Variants in MC2R observed in about 807,000 individuals in gnomAD.
MC2R encodes the protein melanocortin 2 receptor.
Under a neutral mutation model 9.8 loss-of-function variants are expected in MC2R, and 9 were observed. That is an observed-to-expected ratio of 0.92 (90% CI 0.55 to 1.60). The LOEUF is 1.60. Ranked by LOEUF, MC2R falls within the 40% of genes most tolerant of loss-of-function variation. MC2R has a pLI of 0.00. For missense variants in MC2R, 370 were observed against 389.0 expected, an observed-to-expected ratio of 0.95 and a Z score of 0.41; for synonymous variants, 185 against 154.7, an observed-to-expected ratio of 1.20 and a Z score of -1.45.
chr18:13,888,322 T>C (rs2045290040), intron 1 of MC2R, among the ~76,000 whole-genome samples: 1 of 152,186 alleles, frequency 6.6e-6, no homozygotes, highest in Non-Finnish European at 1.5e-5. Context: ...CGTTTGTGGA[T>C]GCTGCCAAGC....
chr18:13,913,134 A>G (rs935637462), intron 1 of MC2R, among the ~76,000 whole-genome samples: 4 of 152,094 alleles, frequency 2.6e-5, no homozygotes, highest in African/African-American at 9.7e-5. Flanking sequence ...AGTCCCGAGA[A>G]TGGAAGCTTT....
intron 1 of MC2R, among the ~76,000 whole-genome samples, chr18:13,887,102 C>A (rs1347263578): frequency 2.6e-5 from 4 of 152,222 alleles, no homozygotes; most frequent in African/African-American, 7.2e-5. Context: ...GATGAGTCAC[C>A]TTCGTGCCTC....
intron 1 of MC2R, among the ~76,000 whole-genome samples, chr18:13,890,883 AGAT>A (rs34945434): frequency 0.37 from 56,116 of 151,834 alleles, 10,361 homozygotes; most frequent in Middle Eastern, 0.41. Context: ...GCAATTGCTG[AGAT>A]GATGGGATTA....
At position 13,884,271 on chromosome 18, in the gene MC2R, G is replaced by A. The variant is rs1349459966; in HGVS notation, c.*354C>T. On this transcript the variant is annotated 3_prime_UTR_variant, in exon 2 of 2. Transcript: ENST00000327606. ...AAGCAAGTCTTTGCCTTAGCCCAAA[G>A]CCCTTGAATTTTTATTGCTGTTTTA... 5.8e-6 allele frequency: 2 copies of A among 346,870 alleles called. No homozygotes were observed. The highest frequency in any genetic ancestry group is 1.1e-5 in the Non-Finnish European group (2 of 180,060). The allele number at this position is 346,870 out of a possible 1,614,324, so 21.5% of individuals were successfully genotyped here.
intron 1 of MC2R, among the ~76,000 whole-genome samples, chr18:13,903,339 T>C (rs2045391767): frequency 6.6e-6 from 1 of 152,210 alleles, no homozygotes; most frequent in Non-Finnish European, 1.5e-5. Context: ...ATCCTACTGT[T>C]GGATATATAC....
chr18:13,909,174 G>A lies in MC2R; in HGVS notation c.-129+6314C>T, dbSNP rs956789368. On this transcript the variant is annotated intron_variant, in intron 1 of 1. Transcript: ENST00000327606. ...CTTTTGATGACCTTGAAATTTTTAA[G>A]GAGTACTGCTCAAACATTTTGTAGA... is the stretch of plus-strand genomic sequence containing the variant. 2.6e-5 allele frequency among the ~76,000 whole-genome samples: 4 copies of A among 152,194 alleles called. No individual in the cohort carries two copies. In the East Asian group the frequency reaches 7.7e-4, roughly 29 times the overall value.
At chr18:13,891,586 G>C (rs1425903561) in intron 1 of MC2R, among the ~76,000 whole-genome samples, 1 of 152,208 alleles carries the variant, frequency 6.6e-6, no homozygotes, top group African/African-American at 2.4e-5. Context: ...TCAGTGCAAA[G>C]TGCTGTCAGG....
Position 13,885,693 on chromosome 18 carries a change from A to C in MC2R, c.-128-47T>G, listed in dbSNP as rs2045272149. ...TATTAGTTGCAAAGTACACTAGAAA[A>C]TAAAAACCAGCCACACTCGCTTAAA... is the stretch of plus-strand genomic sequence containing the variant. On this transcript the variant is annotated intron_variant, in intron 1 of 1. Transcript: ENST00000327606. The C allele has an allele frequency of 4.4e-6, 3 of 682,814 alleles. No homozygotes were observed. In the South Asian group the frequency reaches 5.8e-5, roughly 13 times the overall value. 42.3% of individuals were successfully genotyped at this position (682,814 alleles called of 1,614,324 possible). A position where few individuals can be genotyped will look rare whatever the true frequency, so the allele number is the denominator to read the frequency against.
intron 1 of MC2R, among the ~76,000 whole-genome samples, chr18:13,908,509 TAGAAG>T (rs1567903230): frequency 6.6e-6 from 1 of 152,200 alleles, no homozygotes; most frequent in Admixed American, 6.5e-5. Context: ...CCAAAATGGC[TAGAAG>T]AGAAGAATTT....
At chr18:13,912,325 G>A (rs1388198462) in intron 1 of MC2R, among the ~76,000 whole-genome samples, 1 of 152,186 alleles carries the variant, frequency 6.6e-6, no homozygotes, top group African/African-American at 2.4e-5. Context: ...CGGAGGCTCA[G>A]GGAGGTTGGG....
At chr18:13,902,642 C>G (rs540454044) in intron 1 of MC2R, among the ~76,000 whole-genome samples, 17 of 152,134 alleles carry the variant, frequency 1.1e-4, no homozygotes, top group African/African-American at 3.6e-4. Flanking sequence ...TATTCATATG[C>G]AGAAGAACAA....
At position 13,909,977 on chromosome 18, in the gene MC2R, T is replaced by C. The variant is rs545530179; in HGVS notation, c.-129+5511A>G. Among the ~76,000 whole-genome samples the C allele has an allele frequency of 1.6e-4, 25 of 152,346 alleles. No homozygotes were observed. The Middle Eastern group carries it at 0.01, about 62-fold the overall frequency. On this transcript the variant is annotated intron_variant, in intron 1 of 1. Coordinates refer to ENST00000327606, the MANE Select transcript of MC2R (RefSeq NM_000529.2). ...CTTTCATGGATGATGCTTTTCATGT[T>C]ATATCTAAAAACACCAAATCCAGTG...
At chr18:13,900,180 T>C (rs998017933) in intron 1 of MC2R, among the ~76,000 whole-genome samples, 5 of 152,130 alleles carry the variant, frequency 3.3e-5, no homozygotes, top group Non-Finnish European at 7.4e-5. Context: ...CAATGTTAAG[T>C]TGTTATCAGA....
chr18:13,914,476 C>T (rs1040774689), intron 1 of MC2R, among the ~76,000 whole-genome samples: 1 of 152,360 alleles, frequency 6.6e-6, no homozygotes, highest in Non-Finnish European at 1.5e-5. Context: ...CACCGCTTCA[C>T]TCCCACTCCG....
At chr18:13,915,440 G>C (rs1414641138) in intron 1 of MC2R, 48 bp downstream of exon 1, 3 of 152,612 alleles carry the variant, frequency 2.0e-5, no homozygotes, top group African/African-American at 7.2e-5. Context: ...TCTATTCATG[G>C]TCCAAAAGCA....
rs796980884 is a variant in MC2R, at chr18:13,905,543, G to A, written c.-129+9945C>T. ...GAGAAATGCAAATCAAAACCACAAC[G>A]AGATACCATCTCATGCCAGTCAGAA... On this transcript the variant is annotated intron_variant, in intron 1 of 1. Transcript: ENST00000327606. Among the ~76,000 whole-genome samples the A allele has an allele frequency of 4.0e-5, 6 of 151,424 alleles. No individual in the cohort carries two copies. In the South Asian group the frequency reaches 1.0e-3, roughly 26 times the overall value.
chr18:13,906,372 T>A (rs1419444027), intron 1 of MC2R, among the ~76,000 whole-genome samples: 7 of 151,896 alleles, frequency 4.6e-5, no homozygotes, highest in Admixed American at 3.3e-4. Flanking sequence ...AAGTGGGAGT[T>A]GAACAATGAG....
At chr18:13,904,698 C>T (rs781605075) in intron 1 of MC2R, among the ~76,000 whole-genome samples, 6 of 148,602 alleles carry the variant, frequency 4.0e-5, no homozygotes, top group Non-Finnish European at 9.0e-5. Flanking sequence ...CCAAAACAGA[C>T]TTATAGACCA....
chr18:13,889,939 G>A (rs2045305792), intron 1 of MC2R, among the ~76,000 whole-genome samples: 1 of 152,156 alleles, frequency 6.6e-6, no homozygotes, highest in Non-Finnish European at 1.5e-5. Flanking sequence ...CACAGGCTTT[G>A]TGTTGCACAG....
Sources: allele counts gnomAD v4.1 joint callset (sites outside exome capture counted in the v4.1 genomes callset), GRCh38; gene constraint gnomAD v4.1.1; transcripts MANE v1.5; gene names NCBI Gene and HGNC (gene_info 2026-07-23, HGNC 2026-07-21).